PTGIR: variants seen among roughly 807,000 people sequenced by gnomAD.
The protein encoded by PTGIR is prostaglandin I2 receptor, also known as prostacyclin receptor.
PTGIR carries 16 observed loss-of-function variants against 17.6 expected under a neutral mutation model. That is an observed-to-expected ratio of 0.91 (90% CI 0.61 to 1.38). The LOEUF (loss-of-function observed/expected upper bound fraction) is 1.38. Ranked by LOEUF, PTGIR falls within the 40% of genes most tolerant of loss-of-function variation. The pLI is 0.00. For synonymous variants in PTGIR, 274 were observed against 255.4 expected (o/e 1.07, Z -0.69); for missense variants, 532 against 548.6 (o/e 0.97, Z 0.30).
At chr19:46,615,899 C>T (rs1218839193), downstream of PTGIR, among the ~76,000 whole-genome samples, 2 of 151,190 alleles carry the variant, frequency 1.3e-5, no homozygotes. Context: ...CCTCCCGGAC[C>T]CAAGCAATCC....
At chr19:46,614,541 C>A in the PTGIR span, 1 of 547,256 alleles carries the variant, frequency 1.8e-6, no homozygotes. Context: ...CTAGAGCAGT[C>A]AGCCTCTGTG....
the PTGIR span, among the ~76,000 whole-genome samples, chr19:46,611,754 T>C: frequency 6.6e-6 from 1 of 152,180 alleles, no homozygotes; most frequent in South Asian, 2.1e-4. Context: ...AGTGGGGCTA[T>C]AGTGGAGGGA....
At chr19:46,615,226 TA>T in the PTGIR span, among the ~76,000 whole-genome samples, 2 of 152,210 alleles carry the variant, frequency 1.3e-5, no homozygotes, top group Non-Finnish European at 2.9e-5. Context: ...ATACAACTTT[TA>T]AAACAATACA....
downstream of PTGIR, among the ~76,000 whole-genome samples, chr19:46,619,912 T>A (rs1972034871): frequency 6.6e-6 from 1 of 152,158 alleles, no homozygotes; most frequent in East Asian, 1.9e-4. Flanking sequence ...AAACGCCTAC[T>A]CACTTCCTTC....
At chr19:46,618,369 C>T (rs918348198), downstream of PTGIR, among the ~76,000 whole-genome samples, 3 of 152,116 alleles carry the variant, frequency 2.0e-5, no homozygotes, top group Admixed American at 2.0e-4. Flanking sequence ...AGGCTGGTCT[C>T]AAACTCCTGA....
chr19:46,619,189 G>A (rs1407383307), downstream of PTGIR, among the ~76,000 whole-genome samples: 4 of 151,990 alleles, frequency 2.6e-5, no homozygotes, highest in African/African-American at 7.2e-5. Flanking sequence ...CCTGGACTCC[G>A]TCTTCTGTAG....
downstream of PTGIR, among the ~76,000 whole-genome samples, chr19:46,616,746 C>T (rs1314727824): frequency 1.3e-5 from 2 of 152,204 alleles, no homozygotes; most frequent in Non-Finnish European, 2.9e-5. Flanking sequence ...GCTTCATGAC[C>T]ATTCTGAGGA....
chr19:46,619,100 C>T (rs1481680673), downstream of PTGIR, among the ~76,000 whole-genome samples: 3 of 152,134 alleles, frequency 2.0e-5, no homozygotes, highest in Non-Finnish European at 4.4e-5. Flanking sequence ...CAAGGTGTCC[C>T]GGAGTGGATA....
chr19:46,622,047 A>T lies in PTGIR; in HGVS notation c.769-375T>A, dbSNP rs1024416268. ...GTGCCTGTGTGTATCTGTCCACGGC[A>T]TCTGAGTCTCTGAGTCAGAGTAACC... is the stretch of plus-strand genomic sequence containing the variant. On this transcript the variant is annotated intron_variant, in intron 2 of 2. Transcript: ENST00000291294. 9.1e-6 allele frequency: 9 copies of T among 985,330 alleles called. No individual in the cohort carries two copies. The African/African-American group carries it at 1.6e-4, about 17-fold the overall frequency. The allele number at this position is 985,330 out of a possible 1,614,324, so 61.0% of individuals were successfully genotyped here.
rs1055946431 is a variant in PTGIR, at chr19:46,621,001, A to G, written c.*279T>C. The G allele has an allele frequency of 1.8e-6, 2 of 1,135,658 alleles. No homozygotes were observed. The highest frequency in any genetic ancestry group is 3.2e-5 in the African/African-American group (2 of 62,128). The allele number at this position is 1,135,658 out of a possible 1,614,324, so 70.3% of individuals were successfully genotyped here. A position where few individuals can be genotyped will look rare whatever the true frequency, so the allele number is the denominator to read the frequency against. The stretch of plus-strand genomic sequence containing the variant: ...TCTCCGCCTTCTAAATATTTAGACA[A>G]TGAGATGGATGGGGAATCCAGGGCC... On this transcript the variant is annotated 3_prime_UTR_variant, in exon 3 of 3. Coordinates refer to ENST00000291294, the MANE Select transcript of PTGIR (RefSeq NM_000960.4). The surrounding 1 kb of genome is among the most constrained non-coding windows in gnomAD (Gnocchi z 4.8).
chr19:46,616,861 T>C (rs1392760252), downstream of PTGIR, among the ~76,000 whole-genome samples: 1 of 152,176 alleles, frequency 6.6e-6, no homozygotes, highest in East Asian at 1.9e-4. Flanking sequence ...TGACATACAG[T>C]AGTCCCTCAA....
chr19:46,613,652 C>A, the PTGIR span, among the ~76,000 whole-genome samples: 1 of 152,128 alleles, frequency 6.6e-6, no homozygotes, highest in African/African-American at 2.4e-5. Flanking sequence ...TTATAGACAT[C>A]ATTTCACTTA....
the PTGIR span, among the ~76,000 whole-genome samples, chr19:46,612,432 C>T: frequency 6.6e-6 from 1 of 152,212 alleles, no homozygotes; most frequent in African/African-American, 2.4e-5. Context: ...GCCTTTGAAG[C>T]TCTGCATCCA....
chr19:46,617,997 C>A (rs1445986191), downstream of PTGIR, among the ~76,000 whole-genome samples: 1 of 150,504 alleles, frequency 6.6e-6, no homozygotes, highest in Non-Finnish European at 1.5e-5. Context: ...CGCTACCACA[C>A]CTGGCTAATT....
chr19:46,613,757 A>G, the PTGIR span, among the ~76,000 whole-genome samples: 52 of 152,266 alleles, frequency 3.4e-4, no homozygotes, highest in African/African-American at 1.2e-3. Flanking sequence ...CACTAGAGAA[A>G]TCTGGCAGTA....
chr19:46,614,537 C>A, the PTGIR span: 1 of 571,024 alleles, frequency 1.8e-6, no homozygotes, highest in East Asian at 1.4e-4. Flanking sequence ...GCGCCTAGAG[C>A]AGTCAGCCTC....
At chr19:46,615,423 G>A in the PTGIR span, among the ~76,000 whole-genome samples, 1 of 152,154 alleles carries the variant, frequency 6.6e-6, no homozygotes, top group Non-Finnish European at 1.5e-5. Flanking sequence ...CTAGGATACC[G>A]AGGGATGACT....
rs886886919 is a variant in PTGIR at position 46,620,821 on chromosome 19, G to A, written c.*459C>T. The stretch of plus-strand genomic sequence containing the variant: ...TTTTCCAATAACTGTGGTTTTTGTG[G>A]AGCAGAAAGGGGCTGGCTCTTGGAG... On this transcript the variant is annotated 3_prime_UTR_variant, in exon 3 of 3. Transcript: ENST00000291294. The A allele has an allele frequency of 4.1e-6, 4 of 987,322 alleles. No homozygotes were observed. The African/African-American group carries it at 7.0e-5, about 17-fold the overall frequency. 61.2% of individuals were successfully genotyped at this position (987,322 alleles called of 1,614,324 possible).
chr19:46,623,286 C>T (rs896996327), intron 2 of PTGIR, 172 bp downstream of exon 2: 11 of 771,238 alleles, frequency 1.4e-5, no homozygotes, highest in Non-Finnish European at 1.9e-5. Flanking sequence ...TGTGAGCCAC[C>T]GCATCCGGTC....
Sources: gnomAD v4.1 joint callset for allele counts (sites outside exome capture counted in the v4.1 genomes callset) on GRCh38, gnomAD v4.1.1 for gene constraint, Gnocchi (gnomAD v3.1) non-coding constraint, MANE v1.5 for transcripts, NCBI Gene and HGNC (gene_info 2026-07-23, HGNC 2026-07-21) for gene names.